Variants in GPAT3 observed in about 807,000 individuals in gnomAD.
The protein encoded by GPAT3 is 1-AGP acyltransferase 9.
In GPAT3, 53 loss-of-function variants were observed where a neutral mutation model predicts 58.8. That is an observed-to-expected ratio of 0.90 (90% CI 0.72 to 1.13). The LOEUF is 1.13. Ranked by LOEUF, GPAT3 falls within the 50% of genes most tolerant of loss-of-function variation. The probability of loss-of-function intolerance (pLI) is 0.00; values close to 1 mark genes in which losing one functional copy is unlikely to be tolerated. For synonymous variants in GPAT3, 197 were observed against 187.4 expected, an observed-to-expected ratio of 1.05 and a Z score of -0.42; for missense variants, 511 against 527.6, an observed-to-expected ratio of 0.97 and a Z score of 0.31.
intron 3 of GPAT3, among the ~76,000 whole-genome samples, chr4:83,583,917 A>G (rs1237352831): frequency 6.6e-6 from 1 of 152,154 alleles, no homozygotes; most frequent in Non-Finnish European, 1.5e-5. Context: ...CGGAGGTTGC[A>G]GTGAGACACT....
At chr4:83,560,963 C>G (rs1725106075) in intron 2 of GPAT3, among the ~76,000 whole-genome samples, 1 of 152,146 alleles carries the variant, frequency 6.6e-6, no homozygotes, top group South Asian at 2.1e-4. Flanking sequence ...ACCTGCAGAC[C>G]CGTGAGACAA....
intron 2 of GPAT3, among the ~76,000 whole-genome samples, chr4:83,545,437 C>A (rs1383701126): frequency 7.7e-6 from 1 of 129,308 alleles, no homozygotes; most frequent in Non-Finnish European, 1.7e-5. Context: ...TACAGTGAGA[C>A]CTCATTTAAA....
At chr4:83,587,192 A>T (rs762232578) in intron 3 of GPAT3, 63 bp from the exon 4 acceptor site, 12 of 1,310,142 alleles carry the variant, frequency 9.2e-6, no homozygotes, top group Non-Finnish European at 1.3e-5. Context: ...TTATTTAGGA[A>T]CTTTTTGGTT....
At chr4:83,601,195 T>C (rs1426540618) in intron 11 of GPAT3, among the ~76,000 whole-genome samples, 2 of 152,246 alleles carry the variant, frequency 1.3e-5, no homozygotes, top group Non-Finnish European at 2.9e-5. Flanking sequence ...TGTTCAATGT[T>C]GTTTCTTTAT....
intron 2 of GPAT3, among the ~76,000 whole-genome samples, chr4:83,574,035 T>C (rs934818990): frequency 6.6e-6 from 1 of 152,184 alleles, no homozygotes; most frequent in African/African-American, 2.4e-5. Context: ...TTTCATGCTA[T>C]TACTAATCTG....
intron 6 of GPAT3, 152 bp from the exon 7 acceptor site, chr4:83,594,693 G>T: frequency 5.2e-6 from 3 of 575,904 alleles, no homozygotes. Context: ...CTTACATTTG[G>T]CCTTTCAGAC....
chr4:83,562,803 G>A (rs180974555), intron 2 of GPAT3, among the ~76,000 whole-genome samples: 5 of 151,886 alleles, frequency 3.3e-5, no homozygotes, highest in East Asian at 3.9e-4. Flanking sequence ...GATATAGATA[G>A]ATAGATAGAT....
chr4:83,597,278 A>G, intron 8 of GPAT3, 152 bp from the exon 9 acceptor site: 1 of 500,780 alleles, frequency 2.0e-6, no homozygotes, highest in Admixed American at 3.9e-5. Flanking sequence ...TAGGATTACT[A>G]CCTTGGCAGG....
chr4:83,595,042 C>T lies in GPAT3; in HGVS notation c.854+82C>T. ...GGCCTTGCTACCAAAGAGGGCCGAG[C>T]AGCACTGAGTCTCAAAACTGAAACA... is the stretch of plus-strand genomic sequence containing the variant. On this transcript the variant is annotated intron_variant, in intron 7 of 11. Coordinates refer to ENST00000264409, the MANE Select transcript of GPAT3 (RefSeq NM_032717.5). 6 of 1,201,286 alleles carry T rather than the reference C, an allele frequency of 5.0e-6. 1 individual carries two copies. The highest frequency in any genetic ancestry group is 7.3e-6 in the Non-Finnish European group (6 of 819,944). The allele number at this position is 1,201,286 out of a possible 1,614,324, so 74.4% of individuals were successfully genotyped here. A position where few individuals can be genotyped will look rare whatever the true frequency, so the allele number is the denominator to read the frequency against.
At chr4:83,557,451 A>G (rs1445743679) in intron 2 of GPAT3, among the ~76,000 whole-genome samples, 2 of 152,204 alleles carry the variant, frequency 1.3e-5, no homozygotes, top group Non-Finnish European at 1.5e-5. Context: ...TCCCTAGGCC[A>G]CATTGGAAGA....
At position 83,587,262 on chromosome 4, in the gene GPAT3, T is replaced by A; in HGVS notation, c.487T>A (p.Leu163Met). Reference protein sequence around the residue: ...YCVLLPLRVTLAFIGISLLVI... With the variant: ...YCVLLPLRVTMAFIGISLLVI... The stretch of plus-strand genomic sequence containing the variant: ...CTCTCTTTTCTTTTTCAGGGTTACC[T>A]TGGCTTTCATTGGGATCAGTTTGCT... The change falls in exon 4 of 12, where the codon TTG becomes ATG. Residue 163 changes from leucine to methionine, a missense_variant. Physicochemically the swap from Leu to Met is conservative, Grantham distance 15. Transcript: ENST00000264409. The A allele has an allele frequency of 6.2e-7, 1 of 1,613,742 alleles. No homozygotes were observed. The highest frequency in any genetic ancestry group is 8.5e-7 in the Non-Finnish European group (1 of 1,179,866).
intron 2 of GPAT3, among the ~76,000 whole-genome samples, chr4:83,580,371 CATT>C (rs1207993730): frequency 2.6e-5 from 4 of 152,132 alleles, no homozygotes; most frequent in South Asian, 2.1e-4. Context: ...TCTTGATTAA[CATT>C]ATAGTATTTG....
chr4:83,585,997 C>T (rs1016858790), intron 3 of GPAT3, among the ~76,000 whole-genome samples: 9 of 152,088 alleles, frequency 5.9e-5, no homozygotes, highest in Non-Finnish European at 8.8e-5. Flanking sequence ...AATCCTGGCT[C>T]GGTTGCTTAT....
chr4:83,586,027 GAGTT>G (rs922234462), intron 3 of GPAT3, among the ~76,000 whole-genome samples: 1 of 152,158 alleles, frequency 6.6e-6, no homozygotes, highest in African/African-American at 2.4e-5. Context: ...AACTTTGGGT[GAGTT>G]AGTTAGCCTT....
chr4:83,536,750 T>C lies in GPAT3; in HGVS notation c.128T>C (p.Val43Ala), dbSNP rs150911365. The C allele has an allele frequency of 1.9e-5, 31 of 1,611,900 alleles. No individual in the cohort carries two copies. The highest frequency in any genetic ancestry group is 2.3e-5 in the Non-Finnish European group (27 of 1,179,598). Reference protein sequence around the residue: ...GISEIYMKILVKTLEWATIRI... With the variant: ...GISEIYMKILAKTLEWATIRI... ...TCCGAGATCTACATGAAGATCCTAGTGAAAACTTTAGAGGTGAGTGCCGGG... is the reference window on the plus strand; with the variant it reads ...TCCGAGATCTACATGAAGATCCTAGCGAAAACTTTAGAGGTGAGTGCCGGG... Residue 43 changes from valine (V) to alanine (A), a missense_variant, in exon 1 of 12, where the codon GTG becomes GCG. By Grantham distance (64) the Val-to-Ala change is moderately conservative (BLOSUM62 0). Coordinates refer to ENST00000264409, the MANE Select transcript of GPAT3 (RefSeq NM_032717.5).
rs889140045 is a variant in GPAT3, at chr4:83,546,382, T to G, written c.208+1780T>G. Among the ~76,000 whole-genome samples the G allele has an allele frequency of 8.0e-5, 12 of 150,868 alleles. 1 individual carries two copies. Among genetic ancestry groups the G allele is most frequent in the African/African-American group, 2.4e-4 (10 of 41,278 alleles). ...AGGGTCTAGTAGCGTGGATTTAGTT[T>G]TTTTTTTTTTTTTGCCTATACAGAA... On this transcript the variant is annotated intron_variant, in intron 2 of 11. Transcript: ENST00000264409.
chr4:83,578,784 G>T (rs1485613845), intron 2 of GPAT3, among the ~76,000 whole-genome samples: 1 of 151,506 alleles, frequency 6.6e-6, no homozygotes, highest in African/African-American at 2.4e-5. Context: ...TTTGGAGATG[G>T]TGAAAAAAGG....
At chr4:83,598,576 G>A (rs1430113055) in intron 10 of GPAT3, 68 bp from the exon 11 acceptor site, 15 of 1,226,418 alleles carry the variant, frequency 1.2e-5, no homozygotes, top group Non-Finnish European at 1.5e-5. Flanking sequence ...AAATACAAAT[G>A]ATTATGAGAT....
At chr4:83,566,162 T>C (rs1397957389) in intron 2 of GPAT3, among the ~76,000 whole-genome samples, 1 of 152,120 alleles carries the variant, frequency 6.6e-6, no homozygotes. Flanking sequence ...GTCTCACACA[T>C]GGGAGACCAA....
Sources: allele counts gnomAD v4.1 joint callset (sites outside exome capture counted in the v4.1 genomes callset), GRCh38; gene constraint gnomAD v4.1.1; transcripts MANE v1.5; gene names NCBI Gene and HGNC (gene_info 2026-07-23, HGNC 2026-07-21).